ZNF345: variants seen among roughly 807,000 people sequenced by gnomAD.
The protein encoded by ZNF345 is zinc finger protein 345.
For missense variants in ZNF345, 527 were observed against 589.9 expected, an observed-to-expected ratio of 0.89 and a Z score of 1.10; for synonymous variants, 166 against 187.9, an observed-to-expected ratio of 0.88 and a Z score of 0.95.
intron 2 of ZNF345, among the ~76,000 whole-genome samples, chr19:36,856,164 G>C (rs1183676612): frequency 6.6e-6 from 1 of 152,120 alleles, no homozygotes; most frequent in African/African-American, 2.4e-5. Context: ...ACAGTAGAAA[G>C]CATTTAACTA....
intron 2 of ZNF345, among the ~76,000 whole-genome samples, chr19:36,858,841 GAGTT>G (rs750543872): frequency 1.3e-4 from 20 of 152,150 alleles, no homozygotes; most frequent in East Asian, 1.2e-3. Flanking sequence ...GAGAATCACT[GAGTT>G]AGACAATCGT....
chr19:36,866,787 G>T (rs2072669475), intron 2 of ZNF345, among the ~76,000 whole-genome samples: 1 of 152,196 alleles, frequency 6.6e-6, no homozygotes, highest in Non-Finnish European at 1.5e-5. Flanking sequence ...CTGACCTCAA[G>T]CGATCCACTT....
chr19:36,852,754 ACT>A (rs1208911579), intron 2 of ZNF345, among the ~76,000 whole-genome samples: 1 of 151,624 alleles, frequency 6.6e-6, no homozygotes, highest in African/African-American at 2.4e-5. Flanking sequence ...ACATCATAAA[ACT>A]CTTAAATTTT....
intron 2 of ZNF345, among the ~76,000 whole-genome samples, chr19:36,855,447 C>CTTTTTT (rs34265794): frequency 1.9e-4 from 11 of 58,586 alleles, no homozygotes; most frequent in East Asian, 6.4e-4. Flanking sequence ...CGAGCCTGGC[C>CTTTTTT]TTTTTTTTTT....
At chr19:36,881,004 T>C (rs1280859562), downstream of ZNF345, among the ~76,000 whole-genome samples, 1 of 151,870 alleles carries the variant, frequency 6.6e-6, no homozygotes, top group African/African-American at 2.4e-5. Flanking sequence ...ACCCTAAGGA[T>C]AATGGGAGGG....
chr19:36,854,995 G>T (rs1268983912), intron 2 of ZNF345, among the ~76,000 whole-genome samples: 1 of 151,418 alleles, frequency 6.6e-6, no homozygotes, highest in Non-Finnish European at 1.5e-5. Flanking sequence ...GAGACTACAC[G>T]CACCCGCCAC....
rs1361874147 is a variant in ZNF345, at chr19:36,877,034, G to A, written c.204G>A (p.Gly68=). The A allele has an allele frequency of 6.2e-7, 1 of 1,614,024 alleles. No homozygotes were observed. The highest frequency in any genetic ancestry group is 8.5e-7 in the Non-Finnish European group (1 of 1,180,014). Residue 68 remains glycine, a synonymous_variant, in exon 3 of 3, where the codon GGG becomes GGA. Coordinates refer to ENST00000420450, the MANE Select transcript of ZNF345 (RefSeq NM_001242472.2). Reference sequence around the variant, plus strand: ...AACTCCTTGAATGTAAGGAATGTGGGAAGGATTTTAGTTTTGTATCAGTCC... The same window carrying A: ...AACTCCTTGAATGTAAGGAATGTGGAAAGGATTTTAGTTTTGTATCAGTCC... ...DEKLLECKEC[G]KDFSFVSVLV... is the part of the protein sequence containing the mutation.
At position 36,877,410 on chromosome 19, in the gene ZNF345, A is replaced by G; in HGVS notation, c.580A>G (p.Arg194Gly). Residue 194 changes from arginine (R) to glycine (G), a missense_variant, in exon 3 of 3, where the codon AGA (arginine) becomes GGA (glycine). Transcript: ENST00000420450. ...SFESALIRHH[R>G]IHTGEKPYEC... ...TGAATCAGCCCTTATTCGGCATCACAGAATTCACACAGGTGAGAAACCTTA... is the reference window on the plus strand; with the variant it reads ...TGAATCAGCCCTTATTCGGCATCACGGAATTCACACAGGTGAGAAACCTTA... 3 of 1,614,156 alleles carry G rather than the reference A, an allele frequency of 1.9e-6. No homozygotes were observed. Among genetic ancestry groups the G allele is most frequent in the Non-Finnish European group, 2.5e-6 (3 of 1,180,010 alleles).
At chr19:36,887,719 TA>T in intron 3 of ZNF345, among the ~76,000 whole-genome samples, 1 of 152,314 alleles carries the variant, frequency 6.6e-6, no homozygotes, top group African/African-American at 2.4e-5. Flanking sequence ...CATGCTAGGC[TA>T]AAAGTCAAGA....
At chr19:36,872,788 T>C (rs2072796831) in intron 2 of ZNF345, 1 of 152,224 alleles carries the variant, frequency 6.6e-6, no homozygotes, top group Non-Finnish European at 1.5e-5. Context: ...TATATATTTT[T>C]CCCTTTATAA....
At chr19:36,869,798 G>A (rs537036564) in intron 2 of ZNF345, among the ~76,000 whole-genome samples, 4 of 142,456 alleles carry the variant, frequency 2.8e-5, no homozygotes, top group African/African-American at 1.1e-4. Flanking sequence ...GTCTTGCTCT[G>A]TCGCCCCGGC....
At chr19:36,885,183 TTATA>T (rs971100438) in intron 3 of ZNF345, among the ~76,000 whole-genome samples, 14 of 151,816 alleles carry the variant, frequency 9.2e-5, no homozygotes, top group African/African-American at 2.7e-4. Flanking sequence ...GTTACTAGAA[TTATA>T]TATAGAAATA....
At chr19:36,862,451 C>T (rs1452314157) in intron 2 of ZNF345, among the ~76,000 whole-genome samples, 1 of 151,358 alleles carries the variant, frequency 6.6e-6, no homozygotes, top group Non-Finnish European at 1.5e-5. Flanking sequence ...TCACTTGAGG[C>T]CGGGAGTTCA....
intron 2 of ZNF345, among the ~76,000 whole-genome samples, chr19:36,870,869 G>C (rs1447627749): frequency 6.6e-6 from 1 of 151,870 alleles, no homozygotes; most frequent in Non-Finnish European, 1.5e-5. Flanking sequence ...ATTTCTTTCA[G>C]GTCTGGGAAG....
chr19:36,852,472 G>T (rs1262718485), intron 2 of ZNF345, among the ~76,000 whole-genome samples: 1 of 151,988 alleles, frequency 6.6e-6, no homozygotes, highest in Non-Finnish European at 1.5e-5. Flanking sequence ...TTAGCTGGGC[G>T]TGGTGGCACG....
At position 36,877,555 on chromosome 19, in the gene ZNF345, G is replaced by T. The variant is rs146480338; in HGVS notation, c.725G>T (p.Gly242Val). ...CKACGMAFSS[G>V]SALTRHQRIH... The stretch of plus-strand genomic sequence containing the variant: ...GCATGTGGAATGGCCTTTAGCAGTG[G>T]TTCGGCTCTTACTCGGCATCAGAGA... Residue 242 changes from glycine (G) to valine (V), a missense_variant, in exon 3 of 3, where the codon GGT becomes GTT. Gly to Val is a moderately radical substitution (Grantham distance 109). Transcript: ENST00000420450. 1 of 1,613,992 alleles carries T rather than the reference G, an allele frequency of 6.2e-7. No homozygotes were observed. Among genetic ancestry groups the T allele is most frequent in the Non-Finnish European group, 8.5e-7 (1 of 1,180,042 alleles).
At chr19:36,869,031 C>T (rs1365778672) in intron 2 of ZNF345, among the ~76,000 whole-genome samples, 1 of 152,148 alleles carries the variant, frequency 6.6e-6, no homozygotes, top group East Asian at 1.9e-4. Context: ...GGATTTTAAT[C>T]TATTTAATCT....
At chr19:36,883,697 G>A (rs945221450), downstream of ZNF345, among the ~76,000 whole-genome samples, 5 of 152,130 alleles carry the variant, frequency 3.3e-5, no homozygotes, top group African/African-American at 1.2e-4. Context: ...CATAACCAGA[G>A]ATAAGCTTAC....
chr19:36,871,208 T>G (rs942680817), intron 2 of ZNF345, among the ~76,000 whole-genome samples: 1 of 152,194 alleles, frequency 6.6e-6, no homozygotes, highest in East Asian at 1.9e-4. Context: ...TACTCTTTTT[T>G]AAGGACATTA....
Sources: allele counts gnomAD v4.1 joint callset (sites outside exome capture counted in the v4.1 genomes callset), GRCh38; gene constraint gnomAD v4.1.1; transcripts MANE v1.5; gene names NCBI Gene and HGNC (gene_info 2026-07-23, HGNC 2026-07-21).